Variants in RPS6KA2 observed in about 807,000 individuals in gnomAD.
The protein encoded by RPS6KA2 is ribosomal protein S6 kinase A2.
A neutral mutation model predicts 91.8 loss-of-function variants in RPS6KA2; 42 were observed. The ratio of observed to expected loss-of-function variants is 0.46; its 90% CI spans 0.36 to 0.59. The LOEUF is 0.59. RPS6KA2 is among the 20% of genes least tolerant of loss of function. The probability of loss-of-function intolerance (pLI) is 0.00; values close to 1 mark genes in which losing one functional copy is unlikely to be tolerated. For missense variants in RPS6KA2, 798 were observed against 978.5 expected (o/e 0.82, Z 2.46); for synonymous variants, 414 against 393.6 (o/e 1.05, Z -0.61).
At chr6:166,748,239 G>C (rs1791084069) in intron 2 of RPS6KA2, among the ~76,000 whole-genome samples, 1 of 152,162 alleles carries the variant, frequency 6.6e-6, no homozygotes, top group South Asian at 2.1e-4. Flanking sequence ...AGGGCGGGAT[G>C]AGGGCAGCCC....
At chr6:166,689,006 A>G (rs182670185) in intron 2 of RPS6KA2, among the ~76,000 whole-genome samples, 1 of 152,260 alleles carries the variant, frequency 6.6e-6, no homozygotes, top group Admixed American at 6.5e-5. Flanking sequence ...GGCTAACTTT[A>G]ATAGCATCCC....
chr6:166,531,528 A>G (rs2128491889), intron 2 of RPS6KA2, among the ~76,000 whole-genome samples: 1 of 152,348 alleles, frequency 6.6e-6, no homozygotes, highest in East Asian at 1.9e-4. Flanking sequence ...GCCTGTATGA[A>G]GAAGCGTCAT....
chr6:166,559,239 T>C (rs893704477), intron 1 of RPS6KA2, among the ~76,000 whole-genome samples: 4 of 152,150 alleles, frequency 2.6e-5, no homozygotes, highest in African/African-American at 9.7e-5. Flanking sequence ...CATTCTGTAG[T>C]GGGCAGTGTG....
intron 1 of RPS6KA2, among the ~76,000 whole-genome samples, chr6:166,576,930 G>A (rs904940710): frequency 3.3e-5 from 5 of 150,866 alleles, no homozygotes; most frequent in Non-Finnish European, 7.4e-5. Context: ...CCTGGGCTGG[G>A]TCCAGGGTCC....
chr6:166,739,334 T>C (rs1790748471), intron 2 of RPS6KA2, among the ~76,000 whole-genome samples: 1 of 152,222 alleles, frequency 6.6e-6, no homozygotes, highest in African/African-American at 2.4e-5. Flanking sequence ...CTTAGAAATA[T>C]GAACTCTAGG....
At chr6:166,828,663 C>T (rs1780106545) in intron 2 of RPS6KA2, among the ~76,000 whole-genome samples, 1 of 152,172 alleles carries the variant, frequency 6.6e-6, no homozygotes, top group African/African-American at 2.4e-5. Flanking sequence ...CTATATCATA[C>T]ACAAAAATTG....
At chr6:166,696,859 C>G (rs187822913) in intron 2 of RPS6KA2, among the ~76,000 whole-genome samples, 64 of 152,308 alleles carry the variant, frequency 4.2e-4, no homozygotes, top group Non-Finnish European at 2.6e-4. Flanking sequence ...AACACCAGCT[C>G]TTCCTGGGTT....
chr6:166,696,688 T>C (rs1385241775), intron 2 of RPS6KA2, among the ~76,000 whole-genome samples: 2 of 152,110 alleles, frequency 1.3e-5, no homozygotes, highest in African/African-American at 2.4e-5. Flanking sequence ...AATTGGTGAA[T>C]GGAGTCAAGC....
At chr6:166,754,669 G>A (rs935749707) in intron 2 of RPS6KA2, among the ~76,000 whole-genome samples, 1 of 152,114 alleles carries the variant, frequency 6.6e-6, no homozygotes, top group Non-Finnish European at 1.5e-5. Context: ...AGAAACCCTG[G>A]GGGAGCAGCC....
chr6:166,636,094 T>G, intron 2 of RPS6KA2, among the ~76,000 whole-genome samples: 1 of 152,184 alleles, frequency 6.6e-6, no homozygotes, highest in South Asian at 2.1e-4. Flanking sequence ...ACAAAGACCC[T>G]GGGTCTCACC....
At chr6:166,501,285 C>A (rs1037180726) in intron 6 of RPS6KA2, among the ~76,000 whole-genome samples, 3 of 152,200 alleles carry the variant, frequency 2.0e-5, no homozygotes, top group African/African-American at 7.2e-5. Context: ...ACTGCTGTGG[C>A]CTGTGGAGAC....
At chr6:166,415,412 G>GTGTT (rs1215060796) in intron 19 of RPS6KA2, among the ~76,000 whole-genome samples, 1 of 152,176 alleles carries the variant, frequency 6.6e-6, no homozygotes, top group East Asian at 1.9e-4. Flanking sequence ...AGCTTTGCTG[G>GTGTT]TGTTTGGAGG....
chr6:166,646,479 C>T (rs151101647), intron 2 of RPS6KA2, among the ~76,000 whole-genome samples: 2,035 of 152,384 alleles, frequency 0.013, 30 homozygotes, highest in Middle Eastern at 0.037. Context: ...AGGAGCCAGT[C>T]GAGGTCAGCC....
intron 2 of RPS6KA2, among the ~76,000 whole-genome samples, chr6:166,640,036 C>T (rs112340012): frequency 5.1e-4 from 77 of 152,248 alleles, no homozygotes; most frequent in African/African-American, 1.8e-3. Flanking sequence ...CATTTATCTA[C>T]GAAAGAGACA....
intron 1 of RPS6KA2, among the ~76,000 whole-genome samples, chr6:166,544,137 C>T (rs959653550): frequency 6.6e-6 from 1 of 152,220 alleles, no homozygotes; most frequent in Non-Finnish European, 1.5e-5. Context: ...TTCCTTACTC[C>T]CCAGCTCACT....
rs560921864 is a variant in RPS6KA2, at chr6:166,727,556, G to A, written c.123+130644C>T. ...CTAAGGTACCAGAATCCTCAGGGAC[G>A]GCACCCAAAGCCACCAGCCCCCTAA... On this transcript the variant is annotated intron_variant, in intron 2 of 21. Transcript: ENST00000503859. Among the ~76,000 whole-genome samples the A allele has an allele frequency of 5.9e-5, 9 of 151,512 alleles. No individual in the cohort carries two copies. The South Asian group carries it at 8.4e-4, about 14-fold the overall frequency.
chr6:166,753,066 C>A (rs1238415758), intron 2 of RPS6KA2, among the ~76,000 whole-genome samples: 1 of 152,216 alleles, frequency 6.6e-6, no homozygotes, highest in Non-Finnish European at 1.5e-5. Flanking sequence ...AAAACAAACT[C>A]CTCTTTGCTG....
At chr6:166,524,910 A>G (rs1235320207) in intron 3 of RPS6KA2, among the ~76,000 whole-genome samples, 1 of 152,156 alleles carries the variant, frequency 6.6e-6, no homozygotes, top group African/African-American at 2.4e-5. Flanking sequence ...GGGATTCTCC[A>G]TGTTGGCAGT....
chr6:166,837,381 G>A (rs532371911), intron 2 of RPS6KA2, among the ~76,000 whole-genome samples: 1 of 152,220 alleles, frequency 6.6e-6, no homozygotes, highest in Non-Finnish European at 1.5e-5. Context: ...CTGTGGAGCA[G>A]GGGTCACTCC....
Sources: allele counts gnomAD v4.1 joint callset (sites outside exome capture counted in the v4.1 genomes callset), GRCh38; gene constraint gnomAD v4.1.1; transcripts MANE v1.5; gene names NCBI Gene and HGNC (gene_info 2026-07-23, HGNC 2026-07-21).